The following ADGRB3 variants were observed in gnomAD, a reference collection of about 807,000 sequenced individuals.
ADGRB3 encodes the protein brain-specific angiogenesis inhibitor 3.
ADGRB3 carries 37 observed loss-of-function variants against 193.4 expected under a neutral mutation model. That is an observed-to-expected ratio of 0.19 (90% CI 0.15 to 0.25). The LOEUF (loss-of-function observed/expected upper bound fraction) is 0.25, where lower values mean the gene tolerates loss of function less well. Among genes scored for constraint, ADGRB3 ranks in the 10% least tolerant of loss-of-function variants. The probability of loss-of-function intolerance (pLI) is 1.00; values close to 1 mark genes in which losing one functional copy is unlikely to be tolerated. For synonymous variants in ADGRB3, 690 were observed against 644.2 expected, an observed-to-expected ratio of 1.07 and a Z score of -1.08; for missense variants, 1,637 against 1,852.9, an observed-to-expected ratio of 0.88 and a Z score of 2.14.
intron 3 of ADGRB3, among the ~76,000 whole-genome samples, chr6:68,842,843 T>G (rs1768187261): frequency 6.6e-6 from 1 of 151,942 alleles, no homozygotes. Flanking sequence ...GGGATTTATC[T>G]CAGGGATGCA....
chr6:69,327,321 A>G (rs898855879), intron 21 of ADGRB3, among the ~76,000 whole-genome samples: 1 of 152,180 alleles, frequency 6.6e-6, no homozygotes, highest in Admixed American at 6.5e-5. Context: ...CATTCTTGTT[A>G]TTATAAGCAA....
intron 5 of ADGRB3, among the ~76,000 whole-genome samples, chr6:68,942,681 C>T (rs963728721): frequency 1.3e-5 from 2 of 151,900 alleles, no homozygotes; most frequent in Non-Finnish European, 2.9e-5. Flanking sequence ...CATGATCTCA[C>T]TTCACTGCAG....
At chr6:68,788,984 T>A (rs1266545677) in intron 3 of ADGRB3, among the ~76,000 whole-genome samples, 1 of 152,186 alleles carries the variant, frequency 6.6e-6, no homozygotes, top group Non-Finnish European at 1.5e-5. Flanking sequence ...AAACCCTGCC[T>A]TTTTTTGTTT....
chr6:68,865,771 C>T lies in ADGRB3; in HGVS notation c.758-64788C>T, dbSNP rs535923952. Among the ~76,000 whole-genome samples, 5 of 152,280 alleles carry T rather than the reference C, an allele frequency of 3.3e-5. No homozygotes were observed. In the South Asian group the frequency reaches 1.0e-3, roughly 32 times the overall value. On this transcript the variant is annotated intron_variant, in intron 3 of 31. Coordinates refer to ENST00000370598, the MANE Select transcript of ADGRB3 (RefSeq NM_001704.3). ...TAGTCCTGCACCTTCTGTCTACCTTCCTGCTGTCTCTCTGCAATTCCCTTT... is the reference window on the plus strand; with the variant it reads ...TAGTCCTGCACCTTCTGTCTACCTTTCTGCTGTCTCTCTGCAATTCCCTTT...
At chr6:69,025,523 CTTTT>C (rs5877186) in intron 13 of ADGRB3, among the ~76,000 whole-genome samples, 1 of 139,650 alleles carries the variant, frequency 7.2e-6, no homozygotes, top group Admixed American at 7.1e-5. Context: ...CACAATTTAA[CTTTT>C]TTTTTTTTTT....
intron 3 of ADGRB3, among the ~76,000 whole-genome samples, chr6:68,912,065 A>G (rs1235614306): frequency 6.6e-6 from 1 of 152,078 alleles, no homozygotes; most frequent in Non-Finnish European, 1.5e-5. Flanking sequence ...TGATTAACAG[A>G]TTGCAAGCCT....
chr6:68,777,328 T>A (rs868706801), intron 3 of ADGRB3, among the ~76,000 whole-genome samples: 1 of 152,138 alleles, frequency 6.6e-6, no homozygotes, highest in Admixed American at 6.6e-5. Flanking sequence ...AACATTTTGG[T>A]TACATATCCT....
At chr6:68,972,743 C>G (rs1482501908) in intron 8 of ADGRB3, among the ~76,000 whole-genome samples, 2 of 151,858 alleles carry the variant, frequency 1.3e-5, no homozygotes, top group Admixed American at 6.6e-5. Context: ...AGAAAAACAC[C>G]TAACGTAAGG....
chr6:69,171,335 GCT>G (rs537581658), intron 17 of ADGRB3, among the ~76,000 whole-genome samples: 312 of 152,260 alleles, frequency 2.0e-3, no homozygotes, highest in Non-Finnish European at 3.1e-3. Context: ...TTAGGAGATG[GCT>G]CTCTTTTCAC....
chr6:68,668,484 G>A (rs1768854483), intron 3 of ADGRB3, among the ~76,000 whole-genome samples: 2 of 151,840 alleles, frequency 1.3e-5, no homozygotes, highest in Admixed American at 1.3e-4. Flanking sequence ...CATTTTTATG[G>A]ATTTTGAGGA....
intron 13 of ADGRB3, among the ~76,000 whole-genome samples, chr6:69,026,001 T>C (rs1204825965): frequency 1.3e-5 from 2 of 152,194 alleles, no homozygotes; most frequent in Non-Finnish European, 1.5e-5. Context: ...TTCCTAGTGC[T>C]AGTATAATAG....
chr6:69,178,241 A>G (rs1315799203), intron 17 of ADGRB3, among the ~76,000 whole-genome samples: 2 of 152,160 alleles, frequency 1.3e-5, no homozygotes, highest in African/African-American at 4.8e-5. Context: ...ATCTGATATA[A>G]TAATAGTGAC....
At chr6:69,062,453 C>T (rs965905697) in intron 15 of ADGRB3, among the ~76,000 whole-genome samples, 1 of 151,724 alleles carries the variant, frequency 6.6e-6, no homozygotes, top group African/African-American at 2.4e-5. Context: ...TCTATTTAAA[C>T]TCTGTTTGCT....
intron 17 of ADGRB3, among the ~76,000 whole-genome samples, chr6:69,207,420 A>G (rs1765562707): frequency 6.6e-6 from 1 of 152,184 alleles, no homozygotes; most frequent in Non-Finnish European, 1.5e-5. Context: ...CCCCCTAGGC[A>G]TTGTGCCTTT....
intron 17 of ADGRB3, among the ~76,000 whole-genome samples, chr6:69,184,256 G>A (rs774464160): frequency 6.6e-6 from 1 of 152,006 alleles, no homozygotes; most frequent in Non-Finnish European, 1.5e-5. Flanking sequence ...GGCTTCTAAT[G>A]TCATTCCCAT....
intron 20 of ADGRB3, among the ~76,000 whole-genome samples, chr6:69,318,829 G>T (rs1276356091): frequency 3.4e-5 from 5 of 145,920 alleles, no homozygotes; most frequent in African/African-American, 1.3e-4. Context: ...GCTTGTCAAG[G>T]GTGTGTGTAT....
chr6:68,810,383 G>A (rs1331799971), intron 3 of ADGRB3, among the ~76,000 whole-genome samples: 2 of 152,176 alleles, frequency 1.3e-5, no homozygotes, highest in South Asian at 2.1e-4. Flanking sequence ...CAGACCTTTG[G>A]TGAACTACCT....
chr6:68,885,444 T>C lies in ADGRB3; in HGVS notation c.758-45115T>C, dbSNP rs375616441. Among the ~76,000 whole-genome samples the C allele has an allele frequency of 1.5e-4, 23 of 152,242 alleles. No individual in the cohort carries two copies. The East Asian group carries it at 3.5e-3, about 23-fold the overall frequency. ...CATTTGTGGAATGATTAAGTCAAACTAATTGACGAAAATCTATCACCACAC... is the reference window on the plus strand; with the variant it reads ...CATTTGTGGAATGATTAAGTCAAACCAATTGACGAAAATCTATCACCACAC... On this transcript the variant is annotated intron_variant, in intron 3 of 31. Transcript: ENST00000370598.
At chr6:69,035,243 G>T (rs967940238) in intron 13 of ADGRB3, among the ~76,000 whole-genome samples, 1 of 151,990 alleles carries the variant, frequency 6.6e-6, no homozygotes, top group African/African-American at 2.4e-5. Context: ...CTTAGTAAAT[G>T]GTGTCTTCTA....
Sources: allele counts gnomAD v4.1 joint callset (sites outside exome capture counted in the v4.1 genomes callset), GRCh38; gene constraint gnomAD v4.1.1; transcripts MANE v1.5; gene names NCBI Gene and HGNC (gene_info 2026-07-23, HGNC 2026-07-21).